ERAP2: variants seen among roughly 807,000 people sequenced by gnomAD.
The protein encoded by ERAP2 is endoplasmic reticulum aminopeptidase 2.
A neutral mutation model predicts 111.1 loss-of-function variants in ERAP2; 118 were observed. The ratio of observed to expected loss-of-function variants is 1.06; its 90% CI spans 0.92 to 1.24. The LOEUF (loss-of-function observed/expected upper bound fraction) is 1.24. Among genes scored for constraint, ERAP2 ranks in the 50% most tolerant of loss-of-function variants. The pLI, the probability that ERAP2 is intolerant of heterozygous loss-of-function variation, is 0.00. For synonymous variants in ERAP2, 410 were observed against 401.2 expected (o/e 1.02, Z -0.26); for missense variants, 1,131 against 1,125.8 (o/e 1.00, Z -0.07).
At chr5:96,913,850 G>GA (rs1787075879) in intron 17 of ERAP2, among the ~76,000 whole-genome samples, 1 of 152,176 alleles carries the variant, frequency 6.6e-6, no homozygotes, top group Admixed American at 6.5e-5. Context: ...TGTACTGGGG[G>GA]AAAATCTCAG....
At chr5:96,877,147 G>C (rs1782616471) in intron 1 of ERAP2, among the ~76,000 whole-genome samples, 1 of 152,034 alleles carries the variant, frequency 6.6e-6, no homozygotes, top group Admixed American at 6.5e-5. Context: ...GCTAATTTTT[G>C]TATTTTTAGT....
chr5:96,883,225 G>A (rs898329308), intron 2 of ERAP2, among the ~76,000 whole-genome samples: 11 of 152,112 alleles, frequency 7.2e-5, no homozygotes, highest in Admixed American at 2.0e-4. Context: ...CTGATGCTGG[G>A]ACTTTGCCTG....
chr5:96,918,661 T>G lies in ERAP2; in HGVS notation c.*1056T>G, dbSNP rs998621310. 6.6e-6 allele frequency: 1 copy of G among 152,208 alleles called. No homozygotes were observed. The highest frequency in any genetic ancestry group is 2.4e-5 in the African/African-American group (1 of 41,450). 9.4% of individuals were successfully genotyped at this position (152,208 alleles called of 1,614,324 possible). A position where few individuals can be genotyped will look rare whatever the true frequency, so the allele number is the denominator to read the frequency against. On this transcript the variant is annotated 3_prime_UTR_variant, in exon 19 of 19. Coordinates refer to ENST00000437043, the MANE Select transcript of ERAP2 (RefSeq NM_022350.5). Reference sequence around the variant, plus strand: ...TTACATTCATGAAGTACCTCAAGGGTAGATTTTTGAGATCATTCCAAATGA... The same window carrying G: ...TTACATTCATGAAGTACCTCAAGGGGAGATTTTTGAGATCATTCCAAATGA...
Position 96,917,671 on chromosome 5 carries a change from C to CCAAGG in ERAP2, c.*66_*67insCAAGG. 1 of 1,328,644 alleles carries CCAAGG rather than the reference C, an allele frequency of 7.5e-7. No homozygotes were observed. Among genetic ancestry groups the CCAAGG allele is most frequent in the Non-Finnish European group, 1.0e-6 (1 of 968,214 alleles). 82.3% of individuals were successfully genotyped at this position (1,328,644 alleles called of 1,614,324 possible). On this transcript the variant is annotated 3_prime_UTR_variant, in exon 19 of 19. Transcript: ENST00000437043. ...CCTGTAATCCCAGCACTTTGGGAGGCTGAGAAGGGCGGATCACGAGGTCAG... is the reference window on the plus strand; with the variant it reads ...CCTGTAATCCCAGCACTTTGGGAGGCCAAGGTGAGAAGGGCGGATCACGAGGTCAG...
rs780497238 is a variant in ERAP2 at position 96,913,372 on chromosome 5, C to G, written c.2572C>G (p.Leu858Val). The G allele has an allele frequency of 2.6e-5, 42 of 1,613,912 alleles. No homozygotes were observed. Among genetic ancestry groups the G allele is most frequent in the Non-Finnish European group, 1.8e-5 (21 of 1,179,964 alleles). ...KVIKTQNLAA[L>V]LHAIARRPKG... ...TATCAAGACACAGAACTTGGCAGCTCTCCTTCATGCGATTGCCAGACGTCC... is the reference window on the plus strand; with the variant it reads ...TATCAAGACACAGAACTTGGCAGCTGTCCTTCATGCGATTGCCAGACGTCC... The change falls in exon 17 of 19, where the codon CTC becomes GTC. Residue 858 changes from leucine to valine, a missense_variant. This residue lies in a region of ERAP2 where 279 missense variants were observed against 250.9 expected (regional missense o/e 1.11). Coordinates refer to ENST00000437043, the MANE Select transcript of ERAP2 (RefSeq NM_022350.5).
Position 96,912,513 on chromosome 5 carries a change from G to T in ERAP2, c.2355-124G>T, listed in dbSNP as rs558495151. On this transcript the variant is annotated intron_variant, in intron 15 of 18. Transcript: ENST00000437043. ...TTTATAAGAGTTCGGCAGAGAAAAA[G>T]ATTTAATACATTGAGTACTGAAAGC... The T allele has an allele frequency of 3.9e-3, 2,267 of 584,544 alleles. 16 individuals carry two copies. Among genetic ancestry groups the T allele is most frequent in the South Asian group, 0.014 (513 of 37,678 alleles). 36.2% of individuals were successfully genotyped at this position (584,544 alleles called of 1,614,324 possible).
chr5:96,908,976 C>T lies in ERAP2; in HGVS notation c.2028C>T (p.Thr676=), dbSNP rs1281473112. The T allele has an allele frequency of 1.2e-6, 2 of 1,613,862 alleles. No individual in the cohort carries two copies. The highest frequency in any genetic ancestry group is 1.3e-5 in the African/African-American group (1 of 74,904). ...TATACTTCAGTGCAGGGAGACTGAC[C>T]CTAGACAAAGCTCTTGACATGACTT... ...VFQLVGAGRL[T]LDKALDMTYY... The change falls in exon 14 of 19, where the codon ACC becomes ACT. Residue 676 remains threonine, a synonymous_variant. Coordinates refer to ENST00000437043, the MANE Select transcript of ERAP2 (RefSeq NM_022350.5).
At chr5:96,900,330 A>G in intron 10 of ERAP2, 141 bp downstream of exon 10, 1 of 1,308,030 alleles carries the variant, frequency 7.6e-7, no homozygotes. Context: ...CTAAAACAAA[A>G]CTGAAGGGGA....
At chr5:96,908,191 T>C (rs1561393780) in intron 13 of ERAP2, among the ~76,000 whole-genome samples, 1 of 152,218 alleles carries the variant, frequency 6.6e-6, no homozygotes. Context: ...ATCACACGAT[T>C]GTGTTATTCT....
At chr5:96,914,094 G>A (rs144072057) in intron 17 of ERAP2, among the ~76,000 whole-genome samples, 11 of 151,596 alleles carry the variant, frequency 7.3e-5, no homozygotes, top group Non-Finnish European at 1.3e-4. Context: ...ATTAGATTTT[G>A]TTGGAATGGA....
rs550113346 is a variant in ERAP2 at position 96,900,764 on chromosome 5, C to T, written c.1572+575C>T. ...CAATCTCAGCTCACTGCAACCTCCA[C>T]CTCTCTGGTTCAACCAATTCCTCTG... On this transcript the variant is annotated intron_variant, in intron 10 of 18. Transcript: ENST00000437043. 1.6e-4 allele frequency among the ~76,000 whole-genome samples: 24 copies of T among 152,316 alleles called. No homozygotes were observed. In the South Asian group the frequency reaches 3.9e-3, roughly 25 times the overall value.
chr5:96,913,331 G>A lies in ERAP2; in HGVS notation c.2531G>A (p.Gly844Glu). 6.2e-7 allele frequency: 1 copy of A among 1,613,876 alleles called. No individual in the cohort carries two copies. The highest frequency in any genetic ancestry group is 8.5e-7 in the Non-Finnish European group (1 of 1,179,884). Residue 844 changes from glycine to glutamate, a missense_variant, in exon 17 of 19, where the codon GGA becomes GAA. Around this residue, in one of 3 missense-constraint regions of ERAP2, gnomAD observed 279 missense variants for 250.9 expected, o/e 1.11. Coordinates refer to ENST00000437043, the MANE Select transcript of ERAP2 (RefSeq NM_022350.5). ...QEKLLKLIEL[G>E]MEGKVIKTQN... ...TCTTTCTTCAGGTTAATTGAACTAG[G>A]AATGGAAGGAAAGGTTATCAAGACA... is the stretch of plus-strand genomic sequence containing the variant.
At chr5:96,893,661 A>T (rs1297792788) in intron 6 of ERAP2, among the ~76,000 whole-genome samples, 1 of 152,188 alleles carries the variant, frequency 6.6e-6, no homozygotes, top group East Asian at 1.9e-4. Context: ...ACGGAGATGC[A>T]GTCAAGTGCT....
chr5:96,913,710 G>A (rs937335390), intron 17 of ERAP2, among the ~76,000 whole-genome samples: 16 of 152,182 alleles, frequency 1.1e-4, no homozygotes, highest in Admixed American at 6.5e-4. Flanking sequence ...CATCAAGTCC[G>A]AGTTGAATTA....
At chr5:96,896,151 G>A (rs192293764) in intron 7 of ERAP2, among the ~76,000 whole-genome samples, 1 of 152,210 alleles carries the variant, frequency 6.6e-6, no homozygotes, top group African/African-American at 2.4e-5. Flanking sequence ...TTCAGGCAAT[G>A]TCTGAAGGAA....
At chr5:96,903,234 A>G in intron 12 of ERAP2, 143 bp from the exon 13 acceptor site, 1 of 607,950 alleles carries the variant, frequency 1.6e-6, no homozygotes, top group Non-Finnish European at 2.7e-6. Context: ...CCAGTGAACT[A>G]CGAAAATGAA....
At chr5:96,912,050 C>T (rs1354064808) in intron 15 of ERAP2, among the ~76,000 whole-genome samples, 4 of 150,540 alleles carry the variant, frequency 2.7e-5, no homozygotes, top group African/African-American at 9.7e-5. Flanking sequence ...ATTAGCCGGG[C>T]GCGGTGGCGG....
At position 96,901,727 on chromosome 5, in the gene ERAP2, C is replaced by G. The variant is rs370710974; in HGVS notation, c.1748+46C>G. 1.5e-5 allele frequency: 24 copies of G among 1,579,338 alleles called. 1 individual carries two copies. The highest frequency in any genetic ancestry group is 4.1e-4 in the Middle Eastern group (2 of 4,866). ...GGTCTAGCTTACCTCATCTCAGTTT[C>G]CTCGTTATTTCCTTAGCTTTCTCTC... On this transcript the variant is annotated intron_variant, in intron 11 of 18. Coordinates refer to ENST00000437043, the MANE Select transcript of ERAP2 (RefSeq NM_022350.5).
Position 96,917,562 on chromosome 5 carries a change from A to C in ERAP2, c.2840A>C (p.Lys947Thr). The C allele has an allele frequency of 6.2e-7, 1 of 1,614,040 alleles. No individual in the cohort carries two copies. The highest frequency in any genetic ancestry group is 8.5e-7 in the Non-Finnish European group (1 of 1,179,924). ...TITKNIKWLE[K>T]NLPTLRTWLM... The stretch of plus-strand genomic sequence containing the variant: ...ACCAAAAATATAAAATGGCTGGAGA[A>C]GAATCTTCCGACTCTGAGGACTTGG... The change falls in exon 19 of 19, where the codon AAG becomes ACG. Residue 947 changes from lysine (K) to threonine (T), a missense_variant. By Grantham distance (78) the Lys-to-Thr change is moderately conservative. This residue lies in a region of ERAP2 where 279 missense variants were observed against 250.9 expected (regional missense o/e 1.11). Coordinates refer to ENST00000437043, the MANE Select transcript of ERAP2 (RefSeq NM_022350.5).
Sources: allele counts gnomAD v4.1 joint callset (sites outside exome capture counted in the v4.1 genomes callset), GRCh38; gene constraint gnomAD v4.1.1; regional missense constraint gnomAD v4.1.1; transcripts MANE v1.5; gene names NCBI Gene and HGNC (gene_info 2026-07-23, HGNC 2026-07-21).